Variants in RAD51B observed in about 807,000 individuals in gnomAD.
The protein encoded by RAD51B is RAD51 paralog B.
In RAD51B, 38 loss-of-function variants were observed where a neutral mutation model predicts 42.2. The observed-to-expected ratio is 0.90, with a 90% CI of 0.70 to 1.18. The LOEUF is 1.18. Ranked by LOEUF, RAD51B falls within the 50% of genes most tolerant of loss-of-function variation. The pLI, the probability that RAD51B is intolerant of heterozygous loss-of-function variation, is 0.00. For missense variants in RAD51B, 373 were observed against 400.7 expected (o/e 0.93, Z 0.59); for synonymous variants, 154 against 145.2 (o/e 1.06, Z -0.43).
chr14:68,120,287 G>T (rs1365565908), intron 7 of RAD51B, among the ~76,000 whole-genome samples: 2 of 152,078 alleles, frequency 1.3e-5, no homozygotes, highest in East Asian at 3.9e-4. Flanking sequence ...CACTCTGATG[G>T]TAGTTTCTTT....
chr14:68,253,324 A>G lies in RAD51B; in HGVS notation c.757-38560A>G, dbSNP rs183129221. 1.9e-4 allele frequency among the ~76,000 whole-genome samples: 29 copies of G among 151,762 alleles called. 1 individual carries two copies. The Middle Eastern group carries it at 0.014, about 71-fold the overall frequency. The stretch of plus-strand genomic sequence containing the variant: ...CATTATACTTAAGATATTTCCTCAC[A>G]TCCTTCAACCTTTCTTTTGGAAAAA... On this transcript the variant is annotated intron_variant, in intron 7 of 10. Transcript: ENST00000471583.
chr14:68,655,130 AGTGTGTGTGTGT>A (rs3077341), intron 11 of RAD51B, among the ~76,000 whole-genome samples: 1 of 150,258 alleles, frequency 6.7e-6, no homozygotes, highest in African/African-American at 2.5e-5. Context: ...GCAAATGGTG[AGTGTGTGTGTGT>A]GTGTGTGTGT....
At chr14:68,497,203 A>G in intron 10 of RAD51B, 11 of 1,382,756 alleles carry the variant, frequency 8.0e-6, no homozygotes, top group Non-Finnish European at 1.1e-5. Context: ...TGCCACAGAA[A>G]CAAAATATTG....
At chr14:68,384,707 T>C (rs1406091538) in intron 8 of RAD51B, among the ~76,000 whole-genome samples, 1 of 152,250 alleles carries the variant, frequency 6.6e-6, no homozygotes, top group Non-Finnish European at 1.5e-5. Flanking sequence ...TTGCAAGTTA[T>C]GCCCCTTTTT....
At chr14:68,208,692 A>C (rs974037722) in intron 7 of RAD51B, among the ~76,000 whole-genome samples, 2 of 152,226 alleles carry the variant, frequency 1.3e-5, no homozygotes, top group Non-Finnish European at 2.9e-5. Flanking sequence ...AAATGTGTCC[A>C]TGCTGGACAC....
chr14:68,284,818 A>C (rs2081382901), intron 7 of RAD51B, among the ~76,000 whole-genome samples: 1 of 152,010 alleles, frequency 6.6e-6, no homozygotes, highest in African/African-American at 2.4e-5. Context: ...AAACTAAGCC[A>C]GCAAATACTA....
intron 7 of RAD51B, among the ~76,000 whole-genome samples, chr14:67,940,054 A>ATATAT (rs2045136393): frequency 1.4e-4 from 2 of 14,560 alleles, no homozygotes; most frequent in Non-Finnish European, 2.6e-4. Flanking sequence ...ATATATATAT[A>ATATAT]TTTTTTTTTT....
intron 7 of RAD51B, among the ~76,000 whole-genome samples, chr14:68,131,882 CT>C (rs1314802378): frequency 6.6e-6 from 1 of 152,094 alleles, no homozygotes; most frequent in Non-Finnish European, 1.5e-5. Context: ...GCTGAGATTA[CT>C]TAGCCTAAAA....
chr14:68,485,067 T>TTGAAAA (rs1566909450), intron 10 of RAD51B, among the ~76,000 whole-genome samples: 6 of 152,172 alleles, frequency 3.9e-5, no homozygotes, highest in African/African-American at 1.4e-4. Flanking sequence ...GATAAGGAAG[T>TTGAAAA]CGCTGAAAAC....
At chr14:68,562,173 C>T (rs1372876029) in intron 10 of RAD51B, 11 of 985,272 alleles carry the variant, frequency 1.1e-5, no homozygotes, top group African/African-American at 1.7e-5. Context: ...ACGCTTACAA[C>T]GCATCAAATT....
At chr14:68,221,223 G>T (rs1460966394) in intron 7 of RAD51B, among the ~76,000 whole-genome samples, 1 of 151,882 alleles carries the variant, frequency 6.6e-6, no homozygotes, top group Non-Finnish European at 1.5e-5. Flanking sequence ...AACCAAAAAA[G>T]AGCCTGTGAG....
chr14:68,366,794 T>G (rs1476388961), intron 8 of RAD51B, among the ~76,000 whole-genome samples: 2 of 152,186 alleles, frequency 1.3e-5, no homozygotes, highest in Non-Finnish European at 1.5e-5. Flanking sequence ...GGCATGTAAA[T>G]GAAACCCCTG....
intron 4 of RAD51B, among the ~76,000 whole-genome samples, chr14:67,860,445 A>G (rs146655879): frequency 6.6e-6 from 1 of 152,340 alleles, no homozygotes; most frequent in East Asian, 1.9e-4. Flanking sequence ...TGACTTTGTA[A>G]GAGTTTAGGT....
intron 5 of RAD51B, among the ~76,000 whole-genome samples, chr14:67,869,144 C>T (rs367846305): frequency 1.1e-4 from 16 of 151,788 alleles, no homozygotes; most frequent in East Asian, 3.9e-4. Flanking sequence ...CTCCGAGCTA[C>T]GGGAGGACAT....
At chr14:67,971,563 G>T (rs1038083952) in intron 7 of RAD51B, among the ~76,000 whole-genome samples, 1 of 152,004 alleles carries the variant, frequency 6.6e-6, no homozygotes, top group African/African-American at 2.4e-5. Context: ...CAGTTTAATA[G>T]TATTTTAGAA....
chr14:68,315,098 A>G (rs2082029106), intron 8 of RAD51B, among the ~76,000 whole-genome samples: 1 of 152,242 alleles, frequency 6.6e-6, no homozygotes, highest in Admixed American at 6.5e-5. Context: ...AATGAAGTTC[A>G]CAGTACAGAC....
At chr14:68,118,100 G>T (rs1047594428) in intron 7 of RAD51B, among the ~76,000 whole-genome samples, 2 of 151,962 alleles carry the variant, frequency 1.3e-5, no homozygotes, top group Non-Finnish European at 2.9e-5. Context: ...CATCAACAAG[G>T]ATATTTATTT....
At chr14:68,635,646 A>G (rs997232774) in intron 10 of RAD51B, among the ~76,000 whole-genome samples, 1 of 152,162 alleles carries the variant, frequency 6.6e-6, no homozygotes, top group African/African-American at 2.4e-5. Flanking sequence ...TTTGTGAGGT[A>G]TTTCACCTTC....
chr14:68,179,754 TA>T (rs2079025660), intron 7 of RAD51B, among the ~76,000 whole-genome samples: 1 of 152,216 alleles, frequency 6.6e-6, no homozygotes, highest in African/African-American at 2.4e-5. Context: ...TTGTAACTTT[TA>T]GGAGTAAGAC....
Sources: gnomAD v4.1 joint callset for allele counts (sites outside exome capture counted in the v4.1 genomes callset) on GRCh38, gnomAD v4.1.1 for gene constraint, MANE v1.5 for transcripts, NCBI Gene and HGNC (gene_info 2026-07-23, HGNC 2026-07-21) for gene names.